The following DARS1 variants were observed in gnomAD, a reference collection of about 807,000 sequenced individuals.
The protein encoded by DARS1 is aspartyl-tRNA synthetase 1.
A neutral mutation model predicts 68.8 loss-of-function variants in DARS1; 51 were observed. The ratio of observed to expected loss-of-function variants is 0.74; its 90% confidence interval spans 0.59 to 0.94. The LOEUF is 0.94. Among genes scored for constraint, DARS1 ranks in the 40% least tolerant of loss-of-function variants. The pLI, the probability that DARS1 is intolerant of heterozygous loss-of-function variation, is 0.00. For synonymous variants in DARS1, 203 were observed against 190.4 expected, an observed-to-expected ratio of 1.07 and a Z score of -0.55; for missense variants, 607 against 597.3, an observed-to-expected ratio of 1.02 and a Z score of -0.17.
chr2:135,920,201 G>A (rs1026791052), intron 10 of DARS1, among the ~76,000 whole-genome samples: 2 of 152,112 alleles, frequency 1.3e-5, no homozygotes, highest in African/African-American at 4.8e-5. Flanking sequence ...AAATACAGTT[G>A]GACTGTTCAC....
chr2:135,933,888 A>C (rs953040851), intron 6 of DARS1, 22 bp downstream of exon 6: 2 of 1,607,442 alleles, frequency 1.2e-6, no homozygotes, highest in Middle Eastern at 1.7e-4. Flanking sequence ...GAAGCATAAT[A>C]TTTCATAAGT....
At chr2:135,976,535 T>C (rs1042524929) in intron 3 of DARS1, among the ~76,000 whole-genome samples, 7 of 152,112 alleles carry the variant, frequency 4.6e-5, no homozygotes, top group African/African-American at 1.7e-4. Flanking sequence ...ATAAAGTCCT[T>C]ACACCTTGCA....
intron 3 of DARS1, among the ~76,000 whole-genome samples, chr2:135,972,294 TCATTTTTGA>T (rs1442520500): frequency 1.3e-5 from 2 of 152,156 alleles, no homozygotes; most frequent in Non-Finnish European, 2.9e-5. Context: ...TACAGTAAAC[TCATTTTTGA>T]CAAAGGTGCC....
chr2:135,941,792 T>C (rs1681603601), intron 5 of DARS1, among the ~76,000 whole-genome samples: 1 of 151,954 alleles, frequency 6.6e-6, no homozygotes, highest in African/African-American at 2.4e-5. Context: ...GAATCTACAA[T>C]GAACTCCAAC....
intron 3 of DARS1, 48 bp from the exon 4 acceptor site, chr2:135,961,546 AG>A: frequency 1.0e-6 from 1 of 955,680 alleles, no homozygotes; most frequent in Non-Finnish European, 1.7e-6. Flanking sequence ...ACGCAACTTC[AG>A]GTTTTACAAA....
chr2:135,922,814 C>A lies in DARS1; in HGVS notation c.781G>T (p.Asp261Tyr). 2 of 1,575,928 alleles carry A rather than the reference C, an allele frequency of 1.3e-6. No individual in the cohort carries two copies. The highest frequency in any genetic ancestry group is 1.2e-5 in the South Asian group (1 of 83,114). The change falls in exon 9 of 16, where the codon GAT (aspartate) becomes TAT (tyrosine). Residue 261 changes from aspartate to tyrosine, a missense_variant. Transcript: ENST00000264161. Reference sequence around the variant, plus strand: ...CCAATAGAGAAAACCTTCTCAAAATCAGCACAAATGCACATTTGCTTATAT... The same window carrying A: ...CCAATAGAGAAAACCTTCTCAAAATAAGCACAAATGCACATTTGCTTATAT... Reference protein sequence around the residue: ...QLYKQMCICADFEKVFSIGPV... With the variant: ...QLYKQMCICAYFEKVFSIGPV...
intron 3 of DARS1, among the ~76,000 whole-genome samples, chr2:135,968,339 C>T (rs1050150575): frequency 2.6e-5 from 4 of 152,162 alleles, no homozygotes; most frequent in East Asian, 3.8e-4. Context: ...TGTCTCAGTA[C>T]GTTTTCTGTT....
At chr2:135,960,868 G>C (rs1014228072) in intron 4 of DARS1, among the ~76,000 whole-genome samples, 1 of 152,156 alleles carries the variant, frequency 6.6e-6, no homozygotes, top group Non-Finnish European at 1.5e-5. Context: ...GACTTTTACA[G>C]GAGGAAAAAG....
chr2:135,924,243 A>T, intron 8 of DARS1, 144 bp downstream of exon 8: 2 of 831,824 alleles, frequency 2.4e-6, no homozygotes, highest in East Asian at 3.3e-5. Context: ...TTGCTATATA[A>T]GATGGTCTTC....
chr2:135,913,916 T>C (rs921185916), intron 12 of DARS1, among the ~76,000 whole-genome samples: 1 of 152,210 alleles, frequency 6.6e-6, no homozygotes, highest in African/African-American at 2.4e-5. Flanking sequence ...GAAATATCAG[T>C]TCTCTAGTCT....
At position 135,985,576 on chromosome 2, in the gene DARS1, G is replaced by A. The variant is rs759450796; in HGVS notation, c.-108C>T. 3 of 1,580,214 alleles carry A rather than the reference G, an allele frequency of 1.9e-6. No individual in the cohort carries two copies. Among genetic ancestry groups the A allele is most frequent in the South Asian group, 1.1e-5 (1 of 87,272 alleles). On this transcript the variant is annotated 5_prime_UTR_variant, in exon 1 of 16. Coordinates refer to ENST00000264161, the MANE Select transcript of DARS1 (RefSeq NM_001349.4). ...CAGTCTCCGCCCTCCCGACCCTGGG[G>A]TCTCAGCACACGCGCTCGGACTCCG...
In DARS1 at chr2:135,916,323, A is replaced by G; in HGVS notation, c.1009T>C (p.Phe337Leu). 1 of 1,505,752 alleles carries G rather than the reference A, an allele frequency of 6.6e-7. No homozygotes were observed. The highest frequency in any genetic ancestry group is 9.3e-7 in the Non-Finnish European group (1 of 1,081,030). 93.3% of individuals were successfully genotyped at this position (1,505,752 alleles called of 1,614,324 possible). Residue 337 changes from phenylalanine (F) to leucine (L), a missense_variant, in exon 11 of 16, where the codon TTC (phenylalanine) becomes CTC (leucine). By Grantham distance (22) the Phe-to-Leu change is conservative. Coordinates refer to ENST00000264161, the MANE Select transcript of DARS1 (RefSeq NM_001349.4). Reference protein sequence around the residue: ...TVNKQFPCEPFKFLEPTLRLE... With the variant: ...TVNKQFPCEPLKFLEPTLRLE... ...CTTAGAGTTGGCTCCAAAAATTTGA[A>G]TGGCTCACATGGGAACTGTTTATTC...
At chr2:135,926,474 TC>T (rs1681213788) in intron 7 of DARS1, among the ~76,000 whole-genome samples, 1 of 152,160 alleles carries the variant, frequency 6.6e-6, no homozygotes, top group Non-Finnish European at 1.5e-5. Context: ...ACATGACAAT[TC>T]TAATACATCC....
chr2:135,980,999 T>C (rs2104850680), intron 2 of DARS1, among the ~76,000 whole-genome samples: 1 of 152,284 alleles, frequency 6.6e-6, no homozygotes, highest in East Asian at 1.9e-4. Context: ...GATTTCAGTT[T>C]GAAAACTGCA....
rs1448311834 is a variant in DARS1, at chr2:135,911,723, T to C, written c.1231-230A>G. The stretch of plus-strand genomic sequence containing the variant: ...CACCCCCCAATAACAAATCAGAGCA[T>C]CACATCTAATTTTTAAGAAGCAGTG... On this transcript the variant is annotated intron_variant, in intron 13 of 15. Coordinates refer to ENST00000264161, the MANE Select transcript of DARS1 (RefSeq NM_001349.4). 5 of 382,972 alleles carry C rather than the reference T, an allele frequency of 1.3e-5. No individual in the cohort carries two copies. The Admixed American group carries it at 2.2e-4, about 17-fold the overall frequency. 23.7% of individuals were successfully genotyped at this position (382,972 alleles called of 1,614,324 possible). A position where few individuals can be genotyped will look rare whatever the true frequency, so the allele number is the denominator to read the frequency against.
At chr2:135,979,214 T>A in intron 3 of DARS1, 60 bp downstream of exon 3, 1 of 829,154 alleles carries the variant, frequency 1.2e-6, no homozygotes, top group East Asian at 2.4e-5. Flanking sequence ...GTGAGGAATA[T>A]GTAAGACAAA....
Position 135,943,476 on chromosome 2 carries a change from T to G in DARS1, c.325A>C (p.Asn109His). The stretch of plus-strand genomic sequence containing the variant: ...TCTACATCCACAATGCTCTCTTTGT[T>G]GATGCTGTCAAGAGAAAAAATTCCC... ...KQMVKFAANI[N>H]KESIVDVEGV... The change falls in exon 5 of 16, where the codon AAC becomes CAC. Residue 109 changes from asparagine (N) to histidine (H), a missense_variant. Transcript: ENST00000264161. 5 of 1,612,234 alleles carry G rather than the reference T, an allele frequency of 3.1e-6. No individual in the cohort carries two copies. The highest frequency in any genetic ancestry group is 4.2e-6 in the Non-Finnish European group (5 of 1,179,480).
At chr2:135,976,155 T>A (rs1040580924) in intron 3 of DARS1, among the ~76,000 whole-genome samples, 5 of 152,232 alleles carry the variant, frequency 3.3e-5, no homozygotes, top group Non-Finnish European at 5.9e-5. Flanking sequence ...ATACAGCATA[T>A]GAACTCACTT....
chr2:135,975,141 G>A (rs1445357559), intron 3 of DARS1, among the ~76,000 whole-genome samples: 1 of 151,418 alleles, frequency 6.6e-6, no homozygotes, highest in African/African-American at 2.4e-5. Context: ...TCAGGAGATC[G>A]AGACCATTCT....
Sources: gnomAD v4.1 joint callset for allele counts (sites outside exome capture counted in the v4.1 genomes callset) on GRCh38, gnomAD v4.1.1 for gene constraint, MANE v1.5 for transcripts, NCBI Gene and HGNC (gene_info 2026-07-23, HGNC 2026-07-21) for gene names.